Variants in SFMBT2 observed in about 807,000 individuals in gnomAD.
The protein encoded by SFMBT2 is scm-like with four MBT domains protein 2.
Under a neutral mutation model 110.1 loss-of-function variants are expected in SFMBT2, and 38 were observed. The observed-to-expected ratio is 0.35, with a 90% CI of 0.27 to 0.45. The LOEUF is 0.45. Ranked by LOEUF, SFMBT2 falls within the 20% of genes least tolerant of loss-of-function variation. SFMBT2 has a pLI of 1.00. For missense variants in SFMBT2, 1,011 were observed against 1,094.9 expected, an observed-to-expected ratio of 0.92 and a Z score of 1.08; for synonymous variants, 425 against 425.4, an observed-to-expected ratio of 1.00 and a Z score of 0.01.
chr10:7,385,916 C>T (rs1283127025), intron 1 of SFMBT2, among the ~76,000 whole-genome samples: 2 of 152,114 alleles, frequency 1.3e-5, no homozygotes, highest in African/African-American at 2.4e-5. Flanking sequence ...AGGAGAATGG[C>T]GTGAACCCGG....
At position 7,293,584 on chromosome 10, in the gene SFMBT2, T is replaced by C. The variant is rs1027354036; in HGVS notation, c.437-7630A>G. Among the ~76,000 whole-genome samples the C allele has an allele frequency of 4.6e-5, 7 of 152,258 alleles. No individual in the cohort carries two copies. The highest frequency in any genetic ancestry group is 1.9e-4 in the East Asian group (1 of 5,186). ...CAAGGGCAAGCTCCACTGGCCCTCA[T>C]AGTCGTTAAGATCATTAAGATGACT... is the stretch of plus-strand genomic sequence containing the variant. On this transcript the variant is annotated intron_variant, in intron 4 of 20. Transcript: ENST00000397167. The surrounding 1 kb of genome is among the most constrained non-coding windows in gnomAD (Gnocchi z 4.6).
chr10:7,337,024 AAAG>A (rs1843737234), intron 4 of SFMBT2, among the ~76,000 whole-genome samples: 1 of 152,210 alleles, frequency 6.6e-6, no homozygotes, highest in Non-Finnish European at 1.5e-5. Context: ...AACCCAATGA[AAAG>A]AATAAAATAG....
chr10:7,197,981 G>A, intron 14 of SFMBT2: 1 of 985,160 alleles, frequency 1.0e-6, no homozygotes, highest in Non-Finnish European at 1.2e-6. Flanking sequence ...GAGGCGCTGT[G>A]TCCTAATAGC....
intron 4 of SFMBT2, among the ~76,000 whole-genome samples, chr10:7,313,273 T>C (rs1413185163): frequency 6.6e-6 from 1 of 152,004 alleles, no homozygotes; most frequent in Non-Finnish European, 1.5e-5. Flanking sequence ...GCAATTGCAC[T>C]GTGTATGGTA....
At chr10:7,379,438 A>AT (rs1361921917) in intron 2 of SFMBT2, among the ~76,000 whole-genome samples, 1 of 151,852 alleles carries the variant, frequency 6.6e-6, no homozygotes, top group Non-Finnish European at 1.5e-5. Flanking sequence ...AGTAAAAAAA[A>AT]AATAAGCTAC....
Position 7,284,102 on chromosome 10 carries a change from T to C in SFMBT2, c.574A>G (p.Ile192Val), listed in dbSNP as rs760278874. The C allele has an allele frequency of 7.4e-6, 12 of 1,614,206 alleles. No individual in the cohort carries two copies. In the Admixed American group the frequency reaches 1.8e-4, roughly 25 times the overall value. Residue 192 changes from isoleucine (I) to valine (V), a missense_variant, in exon 6 of 21, where the codon ATA (isoleucine) becomes GTA (valine). By Grantham distance (29) the Ile-to-Val change is conservative. Transcript: ENST00000397167. The stretch of plus-strand genomic sequence containing the variant: ...GGGTTCTGGGAATCCTGAAGTTCTA[T>C]TAAGGAACCAACTGTAATGAGGTCT... ...PIDLITVGSL[I>V]ELQDSQNPFQ...
chr10:7,171,207 C>A lies in SFMBT2; in HGVS notation c.2416-151G>T. ...CACCTGAAAAAGCTGCACACACTCT[C>A]AGTCCCTGAGAAAGTTCTTGGCTCA... is the stretch of plus-strand genomic sequence containing the variant. On this transcript the variant is annotated intron_variant, in intron 19 of 20. Transcript: ENST00000397167. The surrounding 1 kb of genome is among the most constrained non-coding windows in gnomAD (Gnocchi z 4.9). 1 of 1,398,142 alleles carries A rather than the reference C, an allele frequency of 7.2e-7. No homozygotes were observed. The highest frequency in any genetic ancestry group is 2.0e-5 in the Admixed American group (1 of 48,794). The allele number at this position is 1,398,142 out of a possible 1,614,324, so 86.6% of individuals were successfully genotyped here. A position where few individuals can be genotyped will look rare whatever the true frequency, so the allele number is the denominator to read the frequency against.
chr10:7,304,527 C>T (rs577937871), intron 4 of SFMBT2, among the ~76,000 whole-genome samples: 23 of 152,192 alleles, frequency 1.5e-4, no homozygotes, highest in African/African-American at 4.6e-4. Flanking sequence ...ACTTAACAAA[C>T]GGGTTATGTT....
At chr10:7,406,900 C>T (rs1292346808) in intron 1 of SFMBT2, among the ~76,000 whole-genome samples, 2 of 148,240 alleles carry the variant, frequency 1.3e-5, no homozygotes, top group African/African-American at 4.9e-5. Flanking sequence ...GGCTGCGAGA[C>T]CCCCGGCTCG....
At chr10:7,194,229 TC>T (rs1278087202) in intron 15 of SFMBT2, among the ~76,000 whole-genome samples, 1 of 152,024 alleles carries the variant, frequency 6.6e-6, no homozygotes, top group Admixed American at 6.5e-5. Context: ...GTCCCCTACC[TC>T]CCCTCGCTGC....
chr10:7,302,334 G>A (rs1825461322), intron 4 of SFMBT2, among the ~76,000 whole-genome samples: 1 of 152,198 alleles, frequency 6.6e-6, no homozygotes, highest in South Asian at 2.1e-4. Flanking sequence ...TCTTCAAAAT[G>A]TTACTATTAC....
rs189952255 is a variant in SFMBT2, at chr10:7,254,618, G to A, written c.871-5969C>T. ...AGGCGGATCATGAGGTCAAGAGATCGAGACCATCCTGGCCAACATGGTGAA... is the reference window on the plus strand; with the variant it reads ...AGGCGGATCATGAGGTCAAGAGATCAAGACCATCCTGGCCAACATGGTGAA... On this transcript the variant is annotated intron_variant, in intron 7 of 20. Transcript: ENST00000397167. 3.3e-5 allele frequency among the ~76,000 whole-genome samples: 5 copies of A among 152,066 alleles called. No homozygotes were observed. In the East Asian group the frequency reaches 9.7e-4, roughly 29 times the overall value.
intron 16 of SFMBT2, among the ~76,000 whole-genome samples, chr10:7,181,863 T>C (rs1006165747): frequency 2.0e-5 from 3 of 152,168 alleles, no homozygotes; most frequent in Admixed American, 6.5e-5. Flanking sequence ...CTCTAAGAGT[T>C]TACCAACTGG....
chr10:7,173,630 A>T (rs1464314715), intron 17 of SFMBT2, among the ~76,000 whole-genome samples: 1 of 152,228 alleles, frequency 6.6e-6, no homozygotes, highest in Non-Finnish European at 1.5e-5. Context: ...AATGTTTTTT[A>T]TAAACAAAAT....
At chr10:7,253,512 T>C (rs1840884283) in intron 7 of SFMBT2, among the ~76,000 whole-genome samples, 1 of 152,230 alleles carries the variant, frequency 6.6e-6, no homozygotes, top group South Asian at 2.1e-4. Flanking sequence ...GTTAGAAGTG[T>C]TGTGGGTAAA....
rs75243183 is a variant in SFMBT2 at position 7,253,892 on chromosome 10, C to T, written c.871-5243G>A. On this transcript the variant is annotated intron_variant, in intron 7 of 20. Transcript: ENST00000397167. ...CCCACCAGTTTGAAAGCTAAGTCAA[C>T]GTAACGGAAATTGAGAAGACTCAAG... 8.5e-3 allele frequency among the ~76,000 whole-genome samples: 1,267 copies of T among 148,578 alleles called. 17 individuals carry two copies. Among genetic ancestry groups the T allele is most frequent in the African/African-American group, 0.028 (1,154 of 40,504 alleles).
intron 1 of SFMBT2, among the ~76,000 whole-genome samples, chr10:7,390,148 G>A (rs559433514): frequency 2.0e-5 from 3 of 152,232 alleles, no homozygotes; most frequent in South Asian, 2.1e-4. Flanking sequence ...CACTGGAAGC[G>A]TATCTAGTAC....
At chr10:7,382,684 G>A (rs991038614) in intron 1 of SFMBT2, among the ~76,000 whole-genome samples, 2 of 151,900 alleles carry the variant, frequency 1.3e-5, no homozygotes, top group Non-Finnish European at 2.9e-5. Flanking sequence ...GCAACACGCA[G>A]TGCCCTGCCT....
chr10:7,311,045 C>CAAAAAAAAAA (rs201310544), intron 4 of SFMBT2, among the ~76,000 whole-genome samples: 1 of 96,942 alleles, frequency 1.0e-5, no homozygotes, highest in African/African-American at 3.9e-5. Flanking sequence ...AACTCCATCT[C>CAAAAAAAAAA]AAAAAAAAAA....
Sources: gnomAD v4.1 joint callset for allele counts (sites outside exome capture counted in the v4.1 genomes callset) on GRCh38, gnomAD v4.1.1 for gene constraint, Gnocchi (gnomAD v3.1) non-coding constraint, MANE v1.5 for transcripts, NCBI Gene and HGNC (gene_info 2026-07-23, HGNC 2026-07-21) for gene names.